TAF1: variants seen among roughly 807,000 people sequenced by gnomAD.
TAF1 encodes the protein transcription initiation factor TFIID subunit 1.
In TAF1, 2 loss-of-function variants were observed where a neutral mutation model predicts 138.5. The ratio of observed to expected loss-of-function variants is 0.01; its 90% CI spans 0.01 to 0.05. The LOEUF (loss-of-function observed/expected upper bound fraction) is 0.05. TAF1 is among the 10% of genes least tolerant of loss of function. The pLI is 1.00. For missense variants in TAF1, 709 were observed against 1,478.0 expected (o/e 0.48, Z 8.53); for synonymous variants, 437 against 503.2 (o/e 0.87, Z 1.76).
In TAF1 at chrX:71,389,697, T is replaced by G. The variant is rs757638179; in HGVS notation, c.2781+32T>G. ...CTTTATACTAGTTTGTATTAGTCAT[T>G]AATACATCTCATTTATCCTTTTAAA... is the stretch of plus-strand genomic sequence containing the variant. On this transcript the variant is annotated intron_variant, in intron 18 of 37. Coordinates refer to ENST00000423759, the MANE Select transcript of TAF1 (RefSeq NM_004606.5). 208 of 1,052,688 alleles carry G rather than the reference T, an allele frequency of 2.0e-4. 3 individuals are homozygous for G. The South Asian group carries it at 4.0e-3, about 20-fold the overall frequency. 86.8% of individuals were successfully genotyped at this position (1,052,688 alleles called of 1,213,427 possible).
At position 71,378,095 on chromosome X, in the gene TAF1, A is replaced by G. The variant is rs1438149056; in HGVS notation, c.934-140A>G. 1.7e-5 allele frequency: 11 copies of G among 651,236 alleles called. No individual in the cohort carries two copies. The East Asian group carries it at 3.9e-4, about 23-fold the overall frequency. The allele number at this position is 651,236 out of a possible 1,213,427, so 53.7% of individuals were successfully genotyped here. On this transcript the variant is annotated intron_variant, in intron 6 of 37. Transcript: ENST00000423759. ...TGATAGGTGGAATGTGCTATGATAC[A>G]TCTCCATTGTTTACATTCTAACTCC...
intron 32 of TAF1, among the ~76,000 whole-genome samples, chrX:71,448,797 GTTTTCTTTTTCTTTTTCT>G (rs1169658561): frequency 9.5e-6 from 1 of 105,173 alleles, no homozygotes; most frequent in Non-Finnish European, 2.0e-5. Flanking sequence ...TATTTCTTTT[GTTTTCTTTTTCTTTTTCT>G]TTTTCTTTTT....
At position 71,423,185 on chromosome X, in the gene TAF1, G is replaced by A. The variant is rs758753633; in HGVS notation, c.4521G>A (p.Ala1507=). The change falls in exon 30 of 38, where the codon GCG becomes GCA. Residue 1507 remains alanine, a synonymous_variant. Coordinates refer to ENST00000423759, the MANE Select transcript of TAF1 (RefSeq NM_004606.5). ...NPLLDDDDQV[A]FSFILDNIVT... Reference sequence around the variant, plus strand: ...TGCTGGATGATGATGACCAAGTGGCGTTTTCTTTCATTCTGGACAACATTG... The same window carrying A: ...TGCTGGATGATGATGACCAAGTGGCATTTTCTTTCATTCTGGACAACATTG... The A allele has an allele frequency of 6.0e-5, 73 of 1,210,306 alleles. No homozygotes were observed. In the East Asian group the frequency reaches 1.4e-3, roughly 23 times the overall value.
At chrX:71,395,518 A>G (rs959117800) in intron 22 of TAF1, among the ~76,000 whole-genome samples, 1 of 110,556 alleles carries the variant, frequency 9.0e-6, no homozygotes, top group South Asian at 3.9e-4. Flanking sequence ...AGAAGTTAGG[A>G]AGGGAATGTG....
At chrX:71,512,148 A>T (rs1391484896) in intron 13 of TAF1, among the ~76,000 whole-genome samples, 1 of 110,055 alleles carries the variant, frequency 9.1e-6, no homozygotes, top group Non-Finnish European at 1.9e-5. Flanking sequence ...CCCTGTCTCT[A>T]CTAAAAAATA....
chrX:71,408,672 C>T (rs182838091), intron 28 of TAF1, among the ~76,000 whole-genome samples: 223 of 110,989 alleles, frequency 2.0e-3, no homozygotes, highest in Non-Finnish European at 2.2e-3. Flanking sequence ...GGAGTCTATT[C>T]GTTGCAATGA....
chrX:71,462,764 G>T (rs2038606274), intron 37 of TAF1, among the ~76,000 whole-genome samples: 1 of 110,907 alleles, frequency 9.0e-6, no homozygotes, highest in Non-Finnish European at 1.9e-5. Context: ...AAATGGGGTG[G>T]TTTGGAGAGA....
intron 32 of TAF1, among the ~76,000 whole-genome samples, chrX:71,428,281 T>A (rs2036701215): frequency 9.0e-6 from 1 of 111,089 alleles, no homozygotes; most frequent in Non-Finnish European, 1.9e-5. Flanking sequence ...ACTCAATTTT[T>A]TAGTAGACAT....
At chrX:71,483,774 CTCTCTCTATA>C (rs1346123625) in intron 13 of TAF1, among the ~76,000 whole-genome samples, 4 of 70,433 alleles carry the variant, frequency 5.7e-5, no homozygotes, top group African/African-American at 2.5e-4. Context: ...CTCTCTCTCT[CTCTCTCTATA>C]TATATATATA....
intron 13 of TAF1, chrX:71,484,767 G>T (rs1052288855): frequency 8.9e-6 from 1 of 112,291 alleles, no homozygotes; most frequent in African/African-American, 3.2e-5. Context: ...TGGGCCCGAT[G>T]ATATAACAAA....
chrX:71,526,903 T>TA (rs775105697), intron 13 of TAF1, among the ~76,000 whole-genome samples: 1,100 of 87,799 alleles, frequency 0.013, 5 homozygotes, highest in Non-Finnish European at 0.021. Flanking sequence ...CCCAGTCTCT[T>TA]AAAAAAAAAA....
rs1293859939 is a variant in TAF1 at position 71,475,032 on chromosome X, C to T, written c.1366+14229C>T. Among the ~76,000 whole-genome samples, 3 of 111,096 alleles carry T rather than the reference C, an allele frequency of 2.7e-5. No individual in the cohort carries two copies. In the East Asian group the frequency reaches 8.5e-4, roughly 31 times the overall value. On this transcript the variant is annotated intron_variant and NMD_transcript_variant, in intron 13 of 14. Transcript: ENST00000373775. ...TAGGAAATCAGGGATGGGGGTGGGA[C>T]ATGATTGTGGAAGAACTTAAGGAAT...
In TAF1 at chrX:71,402,840, C is replaced by T. The variant is rs1182656954; in HGVS notation, c.3998+1101C>T. 3.6e-5 allele frequency among the ~76,000 whole-genome samples: 4 copies of T among 110,897 alleles called. No individual in the cohort carries two copies. In the Admixed American group the frequency reaches 3.9e-4, roughly 11 times the overall value. On this transcript the variant is annotated intron_variant, in intron 25 of 37. Coordinates refer to ENST00000423759, the MANE Select transcript of TAF1 (RefSeq NM_004606.5). ...TAAGTTGCAGGCATCATATTTCACTCCTAAGAAAGTTAACATTAATGTAAT... is the reference window on the plus strand; with the variant it reads ...TAAGTTGCAGGCATCATATTTCACTTCTAAGAAAGTTAACATTAATGTAAT...
intron 13 of TAF1, among the ~76,000 whole-genome samples, chrX:71,519,582 G>T (rs765832360): frequency 1.7e-3 from 177 of 102,911 alleles, no homozygotes; most frequent in African/African-American, 6.0e-3. Context: ...GGCAGAGCTT[G>T]CAGTGAGCCG....
intron 13 of TAF1, 139 bp from the exon 14 acceptor site, chrX:71,384,806 T>C: frequency 2.2e-6 from 1 of 451,979 alleles, no homozygotes. Context: ...ATAATGCAAC[T>C]ATTCCAAAAT....
At chrX:71,483,420 C>T (rs1472260805) in intron 13 of TAF1, among the ~76,000 whole-genome samples, 1 of 106,785 alleles carries the variant, frequency 9.4e-6, no homozygotes, top group African/African-American at 3.5e-5. Flanking sequence ...ATTTCCATAA[C>T]ATCTTTTTTT....
chrX:71,446,317 T>C (rs2037696094), intron 32 of TAF1, among the ~76,000 whole-genome samples: 1 of 112,285 alleles, frequency 8.9e-6, no homozygotes, highest in Admixed American at 9.5e-5. Flanking sequence ...CTGTTTGTAG[T>C]CAAAATAACA....
At chrX:71,506,903 A>G (rs1404253679) in intron 13 of TAF1, among the ~76,000 whole-genome samples, 1 of 112,124 alleles carries the variant, frequency 8.9e-6, no homozygotes, top group Non-Finnish European at 1.9e-5. Context: ...GTATTTCACC[A>G]TATTCTGATA....
chrX:71,405,242 A>G (rs1208291816), intron 25 of TAF1, among the ~76,000 whole-genome samples: 1 of 111,614 alleles, frequency 9.0e-6, no homozygotes, highest in East Asian at 2.8e-4. Flanking sequence ...TACAGGCGTG[A>G]GCCACCATGC....
Sources: gnomAD v4.1 joint callset for allele counts (sites outside exome capture counted in the v4.1 genomes callset) on GRCh38, gnomAD v4.1.1 for gene constraint, MANE v1.5 for transcripts, NCBI Gene and HGNC (gene_info 2026-07-23, HGNC 2026-07-21) for gene names.